Variants in DDAH1 observed in about 807,000 individuals in gnomAD.
DDAH1 encodes dimethylarginine dimethylaminohydrolase 1.
In DDAH1, 19 loss-of-function variants were observed where a neutral mutation model predicts 28.8. That is an observed-to-expected ratio of 0.66 (90% CI 0.46 to 0.97). The LOEUF (loss-of-function observed/expected upper bound fraction) is 0.97, where lower values mean the gene tolerates loss of function less well. Ranked by LOEUF, DDAH1 falls within the 50% of genes least tolerant of loss-of-function variation. DDAH1 has a pLI of 0.00. For synonymous variants in DDAH1, 153 were observed against 154.4 expected (o/e 0.99, Z 0.07); for missense variants, 326 against 375.9 (o/e 0.87, Z 1.10).
intron 1 of DDAH1, among the ~76,000 whole-genome samples, chr1:85,504,961 C>CTTTTTTTTTTTTT (rs61209793): frequency 1.6e-5 from 1 of 60,780 alleles, no homozygotes; most frequent in African/African-American, 7.2e-5. Context: ...CTCAATGATT[C>CTTTTTTTTTTTTT]TTTTTTTTTT....
intron 1 of DDAH1, among the ~76,000 whole-genome samples, chr1:85,360,718 CTTAAAAG>C (rs1649739928): frequency 1.3e-5 from 2 of 152,156 alleles, no homozygotes; most frequent in African/African-American, 4.8e-5. Context: ...GTATTCAATT[CTTAAAAG>C]TTAGAGGAGA....
At chr1:85,386,547 C>T (rs1443751288) in intron 1 of DDAH1, among the ~76,000 whole-genome samples, 1 of 152,208 alleles carries the variant, frequency 6.6e-6, no homozygotes, top group Non-Finnish European at 1.5e-5. Flanking sequence ...CACAGCTTTG[C>T]TGGGCAGCAC....
chr1:85,458,974 A>G (rs1019485462), intron 1 of DDAH1, among the ~76,000 whole-genome samples: 6 of 152,228 alleles, frequency 3.9e-5, no homozygotes, highest in Non-Finnish European at 5.9e-5. Flanking sequence ...TACAGATTTT[A>G]GTAGCAAAAG....
At chr1:85,347,746 C>T (rs1355971219) in intron 4 of DDAH1, among the ~76,000 whole-genome samples, 1 of 150,884 alleles carries the variant, frequency 6.6e-6, no homozygotes, top group African/African-American at 2.4e-5. Flanking sequence ...CACATGTACC[C>T]TAGAACTTAA....
At chr1:85,504,885 T>C (rs1250599633) in intron 1 of DDAH1, among the ~76,000 whole-genome samples, 1 of 151,066 alleles carries the variant, frequency 6.6e-6, no homozygotes, top group Non-Finnish European at 1.5e-5. Context: ...CCCTACCCCA[T>C]GCCAGACCCA....
chr1:85,449,198 C>A lies in DDAH1; in HGVS notation c.303+15545G>T, dbSNP rs181053989. 2.0e-3 allele frequency among the ~76,000 whole-genome samples: 298 copies of A among 152,306 alleles called. 14 individuals carry two copies. In the East Asian group the frequency reaches 0.053, roughly 27 times the overall value. On this transcript the variant is annotated intron_variant, in intron 1 of 5. Transcript: ENST00000284031. ...GCATCAGGGGCCCCCACAGAAGGGG[C>A]TAGGCTGAGGGCACAGGCCAGCATA...
intron 4 of DDAH1, among the ~76,000 whole-genome samples, chr1:85,341,770 G>A (rs1313848144): frequency 6.6e-6 from 1 of 151,954 alleles, no homozygotes; most frequent in African/African-American, 2.4e-5. Context: ...CCGAGATCAC[G>A]CCACTGCACT....
chr1:85,523,736 ACTC>A (rs1382520773), intron 1 of DDAH1, among the ~76,000 whole-genome samples: 10 of 152,108 alleles, frequency 6.6e-5, no homozygotes, highest in Non-Finnish European at 1.3e-4. Flanking sequence ...TAATAATTTT[ACTC>A]CTCATGTGGG....
chr1:85,440,707 C>T (rs747159730), intron 1 of DDAH1, among the ~76,000 whole-genome samples: 3 of 152,178 alleles, frequency 2.0e-5, no homozygotes, highest in African/African-American at 4.8e-5. Flanking sequence ...GGGAAGTGGA[C>T]GTCTGTAATA....
At chr1:85,351,637 T>C in intron 2 of DDAH1, 58 bp from the exon 3 acceptor site, 1 of 1,256,370 alleles carries the variant, frequency 8.0e-7, no homozygotes, top group Non-Finnish European at 1.2e-6. Context: ...GTACATCATT[T>C]CTTTTATCTA....
intron 2 of DDAH1, chr1:85,494,609 T>G (rs1020569370): frequency 6.6e-6 from 1 of 152,212 alleles, no homozygotes; most frequent in Non-Finnish European, 1.5e-5. Context: ...ATCTCCTGCT[T>G]TGCATTACCA....
intron 1 of DDAH1, among the ~76,000 whole-genome samples, chr1:85,510,927 A>G (rs562666824): frequency 1.3e-4 from 20 of 152,316 alleles, no homozygotes; most frequent in Non-Finnish European, 2.5e-4. Context: ...CACTGTCAAT[A>G]TTAGACAGAT....
chr1:85,388,207 G>A (rs1380237524), intron 1 of DDAH1, among the ~76,000 whole-genome samples: 2 of 152,100 alleles, frequency 1.3e-5, no homozygotes, highest in Non-Finnish European at 2.9e-5. Flanking sequence ...TCTGTAAATT[G>A]GAGATCACAA....
chr1:85,565,140 T>G (rs1298446947), intron 1 of DDAH1, among the ~76,000 whole-genome samples: 1 of 152,050 alleles, frequency 6.6e-6, no homozygotes, highest in Non-Finnish European at 1.5e-5. Context: ...AGGCAGAGTT[T>G]GCAGTGAGCC....
intron 4 of DDAH1, among the ~76,000 whole-genome samples, chr1:85,350,200 T>C (rs568233408): frequency 1.4e-4 from 21 of 152,096 alleles, no homozygotes; most frequent in Non-Finnish European, 1.9e-4. Flanking sequence ...GGTGTGTAAC[T>C]AAAAACAGTT....
intron 1 of DDAH1, among the ~76,000 whole-genome samples, chr1:85,461,555 C>T (rs560733637): frequency 6.6e-4 from 100 of 152,198 alleles, no homozygotes; most frequent in Non-Finnish European, 1.2e-3. Context: ...AAACCACCTA[C>T]GTTCATAATA....
intron 1 of DDAH1, among the ~76,000 whole-genome samples, chr1:85,545,218 G>A (rs964169783): frequency 2.6e-5 from 4 of 152,238 alleles, no homozygotes; most frequent in African/African-American, 9.6e-5. Flanking sequence ...AGCTGAAAGA[G>A]TCAACCAACT....
chr1:85,321,466 T>C lies in DDAH1; in HGVS notation c.844A>G (p.Lys282Glu). ...LTCCSVLINK[K>E]VDS Reference sequence around the variant, plus strand: ...GACTCTGCAGCTCAGGAGTCTACTTTCTTGTTAATTAAAACTGAGCAGCAG... The same window carrying C: ...GACTCTGCAGCTCAGGAGTCTACTTCCTTGTTAATTAAAACTGAGCAGCAG... The change falls in exon 6 of 6, where the codon AAA becomes GAA. Residue 282 changes from lysine to glutamate, a missense_variant. Physicochemically the swap from Lys to Glu is moderately conservative, Grantham distance 56 (BLOSUM62 1). Transcript: ENST00000284031. 1 of 1,613,586 alleles carries C rather than the reference T, an allele frequency of 6.2e-7. No homozygotes were observed. Among genetic ancestry groups the C allele is most frequent in the Non-Finnish European group, 8.5e-7 (1 of 1,179,470 alleles).
intron 1 of DDAH1, among the ~76,000 whole-genome samples, chr1:85,501,710 C>G (rs1656827191): frequency 6.6e-6 from 1 of 152,180 alleles, no homozygotes; most frequent in East Asian, 1.9e-4. Context: ...ATGTGTTTCC[C>G]TTTTCCCAGG....
Sources: allele counts gnomAD v4.1 joint callset (sites outside exome capture counted in the v4.1 genomes callset), GRCh38; gene constraint gnomAD v4.1.1; transcripts MANE v1.5; gene names NCBI Gene and HGNC (gene_info 2026-07-23, HGNC 2026-07-21).